DPY19L1: variants seen among roughly 807,000 people sequenced by gnomAD.
The protein encoded by DPY19L1 is dpy-19 like C-mannosyltransferase 1, also known as protein C-mannosyl-transferase DPY19L1.
A neutral mutation model predicts 96.9 loss-of-function variants in DPY19L1; 35 were observed. The ratio of observed to expected loss-of-function variants is 0.36; its 90% CI spans 0.28 to 0.48. The LOEUF is 0.48. DPY19L1 is among the 20% of genes least tolerant of loss of function. The pLI, the probability that DPY19L1 is intolerant of heterozygous loss-of-function variation, is 0.99. For missense variants in DPY19L1, 521 were observed against 777.9 expected, an observed-to-expected ratio of 0.67 and a Z score of 3.93; for synonymous variants, 205 against 252.6, an observed-to-expected ratio of 0.81 and a Z score of 1.79.
chr7:34,978,314 A>T (rs1429755164), intron 7 of DPY19L1, among the ~76,000 whole-genome samples: 1 of 151,874 alleles, frequency 6.6e-6, no homozygotes, highest in Admixed American at 6.6e-5. Context: ...CAAATTACCC[A>T]CCTCTGCCTG....
At chr7:34,976,225 T>A (rs1216812401) in intron 7 of DPY19L1, among the ~76,000 whole-genome samples, 1 of 152,170 alleles carries the variant, frequency 6.6e-6, no homozygotes, top group South Asian at 2.1e-4. Context: ...CAAAATATCA[T>A]CATTAATAGG....
intron 3 of DPY19L1, among the ~76,000 whole-genome samples, chr7:35,014,856 T>C (rs1235776667): frequency 6.6e-6 from 1 of 152,136 alleles, no homozygotes; most frequent in South Asian, 2.1e-4. Context: ...AGAGGAATAT[T>C]TGGCCTCAAA....
At chr7:34,964,276 T>C (rs1319803926) in intron 10 of DPY19L1, among the ~76,000 whole-genome samples, 1 of 152,176 alleles carries the variant, frequency 6.6e-6, no homozygotes, top group Non-Finnish European at 1.5e-5. Context: ...TGCTGCAAAC[T>C]ACATTGTGTA....
chr7:34,942,326 A>G (rs1334542885), intron 17 of DPY19L1, among the ~76,000 whole-genome samples: 1 of 152,204 alleles, frequency 6.6e-6, no homozygotes. Context: ...GAGGAAAGTG[A>G]TTTCCAATCA....
intron 10 of DPY19L1, among the ~76,000 whole-genome samples, chr7:34,965,974 CCT>C (rs1784599777): frequency 6.6e-6 from 1 of 152,100 alleles, no homozygotes; most frequent in Non-Finnish European, 1.5e-5. Context: ...TCTCCTACCC[CCT>C]GATCTTGGTG....
In DPY19L1 at chr7:34,931,587, C is replaced by T. The variant is rs1783753717; in HGVS notation, c.2233G>A (p.Val745Ile). ...FQNSVYKVLEVVKE is the reference protein window; with the variant it reads ...FQNSVYKVLEIVKE ...TCATGTAGCAGTCATTCTTTTACAA[C>T]TTCTAGGACTTTGTAAACACTGTTC... Residue 745 changes from valine (V) to isoleucine (I), a missense_variant, in exon 22 of 22, where the codon GTT (valine) becomes ATT (isoleucine). By Grantham distance (29) the Val-to-Ile change is conservative. Coordinates refer to ENST00000638088, the MANE Select transcript of DPY19L1 (RefSeq NM_001366673.1). The T allele has an allele frequency of 3.2e-6, 5 of 1,543,394 alleles. No individual in the cohort carries two copies. Among genetic ancestry groups the T allele is most frequent in the Non-Finnish European group, 4.3e-6 (5 of 1,150,594 alleles).
intron 10 of DPY19L1, among the ~76,000 whole-genome samples, chr7:34,962,191 A>C (rs1489208959): frequency 1.3e-5 from 2 of 152,264 alleles, no homozygotes; most frequent in African/African-American, 4.8e-5. Flanking sequence ...GGAGTTAACC[A>C]ACAAGTTATT....
intron 10 of DPY19L1, among the ~76,000 whole-genome samples, chr7:34,959,592 C>T (rs1257481422): frequency 2.0e-5 from 3 of 151,832 alleles, no homozygotes; most frequent in African/African-American, 7.3e-5. Context: ...GAAGCCATAA[C>T]TGTCAGCAAA....
At chr7:34,940,379 T>C (rs770150696) in intron 18 of DPY19L1, 52 bp from the exon 19 acceptor site, 2 of 1,493,032 alleles carry the variant, frequency 1.3e-6, no homozygotes, top group Non-Finnish European at 9.0e-7. Context: ...GTAGTATGCA[T>C]CTGTTATGCA....
upstream of DPY19L1, chr7:35,037,943 G>C: frequency 8.2e-7 from 1 of 1,213,806 alleles, no homozygotes; most frequent in Middle Eastern, 3.1e-4. Flanking sequence ...GGATCGGGGC[G>C]CTGATTCAAG....
At chr7:35,000,760 G>A (rs898080893) in intron 6 of DPY19L1, 5 of 152,078 alleles carry the variant, frequency 3.3e-5, no homozygotes, top group Non-Finnish European at 7.4e-5. Context: ...AAAAGAGAAC[G>A]GAAAGTCTAG....
At chr7:34,951,091 G>C (rs560374445) in intron 13 of DPY19L1, among the ~76,000 whole-genome samples, 6 of 152,126 alleles carry the variant, frequency 3.9e-5, no homozygotes, top group African/African-American at 1.4e-4. Flanking sequence ...TTATATGCTA[G>C]TAAAATTAAC....
chr7:34,932,846 T>C (rs185713727), intron 21 of DPY19L1, among the ~76,000 whole-genome samples: 17 of 152,314 alleles, frequency 1.1e-4, no homozygotes, highest in Middle Eastern at 3.4e-3. Flanking sequence ...CTCATGTTTG[T>C]CATAATTGCA....
At chr7:34,969,796 T>TA (rs1168326607) in intron 8 of DPY19L1, among the ~76,000 whole-genome samples, 1 of 152,172 alleles carries the variant, frequency 6.6e-6, no homozygotes, top group Non-Finnish European at 1.5e-5. Flanking sequence ...TTTCAAATTA[T>TA]ATTTTGGTGA....
At chr7:35,031,430 G>A (rs764832471) in intron 1 of DPY19L1, among the ~76,000 whole-genome samples, 6 of 151,992 alleles carry the variant, frequency 3.9e-5, no homozygotes, top group Admixed American at 6.6e-5. Flanking sequence ...TTTTGATATC[G>A]GAGGGAGGTC....
At chr7:34,939,787 T>C (rs1331564079) in intron 19 of DPY19L1, among the ~76,000 whole-genome samples, 1 of 152,180 alleles carries the variant, frequency 6.6e-6, no homozygotes, top group Non-Finnish European at 1.5e-5. Context: ...ATGAATAAAA[T>C]GTCACATTCC....
At chr7:34,955,399 G>A (rs537530975) in intron 11 of DPY19L1, 32 bp from the exon 12 acceptor site, 1 of 1,594,776 alleles carries the variant, frequency 6.3e-7, no homozygotes, top group East Asian at 2.2e-5. Context: ...AGTATACACA[G>A]TTAATACTTA....
intron 1 of DPY19L1, among the ~76,000 whole-genome samples, chr7:35,034,059 C>T (rs1562834024): frequency 6.6e-6 from 1 of 152,076 alleles, no homozygotes; most frequent in Non-Finnish European, 1.5e-5. Context: ...GTACCCTTGC[C>T]ATTGACCACA....
rs370350873 is a variant in DPY19L1, at chr7:34,945,702, C to T, written c.1509G>A (p.Met503Ile). 3 of 1,601,602 alleles carry T rather than the reference C, an allele frequency of 1.9e-6. No individual in the cohort carries two copies. The highest frequency in any genetic ancestry group is 2.6e-6 in the Non-Finnish European group (3 of 1,173,684). ...VAIVRKIISDMWGVLAKQQTH... is the reference protein window; with the variant it reads ...VAIVRKIISDIWGVLAKQQTH... ...TCTGTTGTTTAGCTAAGACACCCCA[C>T]ATATCACTAATAATCTGTAAATAGA... is the stretch of plus-strand genomic sequence containing the variant. Residue 503 changes from methionine to isoleucine, a missense_variant, in exon 16 of 22, where the codon ATG becomes ATA. By Grantham distance (10) the Met-to-Ile change is conservative (BLOSUM62 1). Transcript: ENST00000638088.
Sources: allele counts gnomAD v4.1 joint callset (sites outside exome capture counted in the v4.1 genomes callset), GRCh38; gene constraint gnomAD v4.1.1; transcripts MANE v1.5; gene names NCBI Gene and HGNC (gene_info 2026-07-23, HGNC 2026-07-21).